Variants in USP7 observed in about 807,000 individuals in gnomAD.
USP7 encodes ubiquitin specific peptidase 7.
A neutral mutation model predicts 162.9 loss-of-function variants in USP7; 9 were observed. The ratio of observed to expected loss-of-function variants is 0.06; its 90% CI spans 0.03 to 0.10. The LOEUF is 0.10. Ranked by LOEUF, USP7 falls within the 10% of genes least tolerant of loss-of-function variation. USP7 has a pLI of 1.00. For missense variants in USP7, 715 were observed against 1,373.7 expected, an observed-to-expected ratio of 0.52 and a Z score of 7.58; for synonymous variants, 562 against 475.9, an observed-to-expected ratio of 1.18 and a Z score of -2.35.
intron 27 of USP7, 143 bp downstream of exon 27, chr16:8,895,499 G>GA: frequency 1.3e-6 from 1 of 785,758 alleles, no homozygotes; most frequent in Non-Finnish European, 2.1e-6. Context: ...AAACACTGTA[G>GA]GTCCACTCAT....
chr16:8,906,626 A>G lies in USP7; in HGVS notation c.1272-44T>C, dbSNP rs201563482. On this transcript the variant is annotated intron_variant, in intron 12 of 30. Coordinates refer to ENST00000344836, the MANE Select transcript of USP7 (RefSeq NM_003470.3). ...AAAGAAATTCAGTATTAATTTACAC[A>G]AAAAATATCACACTTTACAGTAAGT... 9.5e-6 allele frequency: 15 copies of G among 1,572,200 alleles called. No homozygotes were observed. In the East Asian group the frequency reaches 2.5e-4, roughly 26 times the overall value.
intron 5 of USP7, among the ~76,000 whole-genome samples, chr16:8,919,665 T>G (rs1421924916): frequency 6.6e-6 from 1 of 151,976 alleles, no homozygotes; most frequent in African/African-American, 2.4e-5. Flanking sequence ...GAATTAACTG[T>G]GTCTCGTACC....
At chr16:8,962,156 A>T (rs1303178814) in intron 1 of USP7, among the ~76,000 whole-genome samples, 1 of 152,202 alleles carries the variant, frequency 6.6e-6, no homozygotes, top group East Asian at 1.9e-4. Context: ...CTGGAGCTTC[A>T]TTCATTGAGG....
chr16:8,905,102 G>T, intron 14 of USP7, 85 bp downstream of exon 14: 1 of 1,503,860 alleles, frequency 6.6e-7, no homozygotes, highest in Non-Finnish European at 9.2e-7. Context: ...AAATGTGTTT[G>T]GACAGAAAAG....
chr16:8,905,416 G>A, intron 13 of USP7, 85 bp from the exon 14 acceptor site: 1 of 1,540,780 alleles, frequency 6.5e-7, no homozygotes, highest in Non-Finnish European at 8.9e-7. Flanking sequence ...TCTAAAATGT[G>A]TGAACTTCTA....
intron 2 of USP7, among the ~76,000 whole-genome samples, chr16:8,926,557 G>A (rs933103997): frequency 1.3e-5 from 2 of 152,162 alleles, no homozygotes; most frequent in African/African-American, 2.4e-5. Flanking sequence ...GATACGGCCA[G>A]CCAGATTGTC....
chr16:8,908,541 T>C lies in USP7; in HGVS notation c.1162-91A>G. The C allele has an allele frequency of 7.3e-6, 8 of 1,089,874 alleles. No homozygotes were observed. In the South Asian group the frequency reaches 7.6e-5, roughly 10 times the overall value. 67.5% of individuals were successfully genotyped at this position (1,089,874 alleles called of 1,614,324 possible). The stretch of plus-strand genomic sequence containing the variant: ...ACAGCGGTTCAGCAAGATTGGAACA[T>C]GTCTGGAGACTCTGGAGACAAAGGC... On this transcript the variant is annotated intron_variant, in intron 11 of 30. Coordinates refer to ENST00000344836, the MANE Select transcript of USP7 (RefSeq NM_003470.3).
intron 26 of USP7, 70 bp from the exon 27 acceptor site, chr16:8,895,811 C>A: frequency 3.8e-6 from 4 of 1,061,858 alleles, no homozygotes; most frequent in South Asian, 1.5e-5. Context: ...AAATGGTTTT[C>A]TAGAAAGAAA....
In USP7 at chr16:8,920,443, A is replaced by G. The variant is rs372645978; in HGVS notation, c.527T>C (p.Val176Ala). The G allele has an allele frequency of 1.1e-5, 18 of 1,610,622 alleles. No homozygotes were observed. Among genetic ancestry groups the G allele is most frequent in the Non-Finnish European group, 1.4e-5 (17 of 1,178,956 alleles). Reference protein sequence around the residue: ...GFSNFMAWSEVTDPEKGFIDD... With the variant: ...GFSNFMAWSEATDPEKGFIDD... ...TATAAATCCTTTCTCAGGATCGGTC[A>G]CTTCCTATAAAACATAAATAAGAAT... Residue 176 changes from valine (V) to alanine (A), a missense_variant, in exon 5 of 31, where the codon GTG (valine) becomes GCG (alanine). Around this residue, in one of 11 missense-constraint regions of USP7, gnomAD observed 30 missense variants for 27.6 expected, o/e 1.09. Coordinates refer to ENST00000344836, the MANE Select transcript of USP7 (RefSeq NM_003470.3).
chr16:8,952,503 G>A (rs1899600634), intron 1 of USP7, among the ~76,000 whole-genome samples: 2 of 152,116 alleles, frequency 1.3e-5, no homozygotes, highest in East Asian at 1.9e-4. Flanking sequence ...TTTCCCTGCC[G>A]CTTCCGGGTC....
chr16:8,899,157 G>A lies in USP7; in HGVS notation c.2495C>T (p.Thr832Ile). The A allele has an allele frequency of 1.2e-6, 2 of 1,614,208 alleles. No individual in the cohort carries two copies. Among genetic ancestry groups the A allele is most frequent in the South Asian group, 1.1e-5 (1 of 91,086 alleles). The change falls in exon 23 of 31, where the codon ACA becomes ATA. Residue 832 changes from threonine to isoleucine, a missense_variant. Physicochemically the swap from Thr to Ile is moderately conservative, Grantham distance 89 (BLOSUM62 -1). Transcript: ENST00000344836. Reference protein sequence around the residue: ...VAKTVAQRLNTDPMLLQFFKS... With the variant: ...VAKTVAQRLNIDPMLLQFFKS... ...GAAAAACTGCAGCAACATTGGATCT[G>A]TGTTGAGCCTCTGTGCAACTGTCTT...
At chr16:8,948,449 T>C (rs1899390272) in intron 1 of USP7, among the ~76,000 whole-genome samples, 1 of 152,220 alleles carries the variant, frequency 6.6e-6, no homozygotes, top group Non-Finnish European at 1.5e-5. Flanking sequence ...CCTCCCAAAG[T>C]GCTGGGATTA....
chr16:8,907,994 C>A (rs960898326), intron 12 of USP7, among the ~76,000 whole-genome samples: 2 of 152,162 alleles, frequency 1.3e-5, no homozygotes, highest in African/African-American at 4.8e-5. Flanking sequence ...TCTGAAATAA[C>A]ATTTATAATC....
chr16:8,909,571 T>G (rs1358464416), intron 11 of USP7, among the ~76,000 whole-genome samples: 1 of 152,176 alleles, frequency 6.6e-6, no homozygotes, highest in African/African-American at 2.4e-5. Flanking sequence ...ACATCCAGAA[T>G]AGAGAACAGT....
At position 8,918,965 on chromosome 16, in the gene USP7, T is replaced by C. The variant is rs976444905; in HGVS notation, c.720+66A>G. On this transcript the variant is annotated intron_variant, in intron 6 of 30. Transcript: ENST00000344836. ...GACGCCATGTTTGTTGAGAGGACTT[T>C]GCTCTGATATACCTGAGAAGAAAGG... The C allele has an allele frequency of 1.2e-5, 18 of 1,526,840 alleles. No individual in the cohort carries two copies. The African/African-American group carries it at 2.1e-4, about 17-fold the overall frequency. The allele number at this position is 1,526,840 out of a possible 1,614,324, so 94.6% of individuals were successfully genotyped here.
In USP7 at chr16:8,893,914, G is replaced by T; in HGVS notation, c.*84C>A. On this transcript the variant is annotated 3_prime_UTR_variant, in exon 31 of 31. Transcript: ENST00000344836. ...GCGAATCCTCTTGCTGAAGACTTCGGCTAGAGGGCACGTGCACCAAAGTTC... is the reference window on the plus strand; with the variant it reads ...GCGAATCCTCTTGCTGAAGACTTCGTCTAGAGGGCACGTGCACCAAAGTTC... The T allele has an allele frequency of 8.3e-7, 1 of 1,207,502 alleles. No individual in the cohort carries two copies. The allele number at this position is 1,207,502 out of a possible 1,614,324, so 74.8% of individuals were successfully genotyped here. A position where few individuals can be genotyped will look rare whatever the true frequency, so the allele number is the denominator to read the frequency against.
chr16:8,895,839 G>GTTTT, intron 26 of USP7, 98 bp from the exon 27 acceptor site: 7 of 538,684 alleles, frequency 1.3e-5, no homozygotes, highest in Non-Finnish European at 2.1e-5. Context: ...ACCACGATAT[G>GTTTT]TTTTTTTTTT....
In USP7 at chr16:8,933,644, G is replaced by A. The variant is rs138060270; in HGVS notation, c.80-3247C>T. Among the ~76,000 whole-genome samples, 4 of 152,102 alleles carry A rather than the reference G, an allele frequency of 2.6e-5. No homozygotes were observed. In the East Asian group the frequency reaches 7.7e-4, roughly 29 times the overall value. ...CATTTTTTTTTCCTCAAAGAGACAA[G>A]ATTTTACAATGTTGCCCAGGTTGGT... On this transcript the variant is annotated intron_variant, in intron 1 of 30. Coordinates refer to ENST00000344836, the MANE Select transcript of USP7 (RefSeq NM_003470.3).
chr16:8,936,716 CTT>C, intron 1 of USP7: 1 of 1,415,884 alleles, frequency 7.1e-7, no homozygotes, highest in Non-Finnish European at 9.2e-7. Context: ...CCTCAGCATT[CTT>C]TTTTATTTTT....
Sources: gnomAD v4.1 joint callset for allele counts (sites outside exome capture counted in the v4.1 genomes callset) on GRCh38, gnomAD v4.1.1 for gene constraint, gnomAD v4.1.1 regional missense constraint, MANE v1.5 for transcripts, NCBI Gene and HGNC (gene_info 2026-07-23, HGNC 2026-07-21) for gene names.